Variants in GALNT17 observed in about 807,000 individuals in gnomAD.
The protein encoded by GALNT17 is polypeptide N-acetylgalactosaminyltransferase 17.
Under a neutral mutation model 63.7 loss-of-function variants are expected in GALNT17, and 29 were observed. That is an observed-to-expected ratio of 0.46 (90% CI 0.34 to 0.62). The LOEUF is 0.62. Among genes scored for constraint, GALNT17 ranks in the 20% least tolerant of loss-of-function variants. The pLI is 0.01. For missense variants in GALNT17, 603 were observed against 799.6 expected, an observed-to-expected ratio of 0.75 and a Z score of 2.97; for synonymous variants, 305 against 318.3, an observed-to-expected ratio of 0.96 and a Z score of 0.45.
intron 6 of GALNT17, among the ~76,000 whole-genome samples, chr7:71,583,968 A>C (rs1357545668): frequency 6.6e-6 from 1 of 151,768 alleles, no homozygotes; most frequent in Non-Finnish European, 1.5e-5. Flanking sequence ...ACTGAAAAAA[A>C]AAAAATACAA....
At chr7:71,455,395 C>T (rs1287948403) in intron 5 of GALNT17, among the ~76,000 whole-genome samples, 1 of 152,034 alleles carries the variant, frequency 6.6e-6, no homozygotes, top group Non-Finnish European at 1.5e-5. Context: ...TTGAAGGTTG[C>T]TCTGGGGTCC....
intron 1 of GALNT17, among the ~76,000 whole-genome samples, chr7:71,150,024 T>G (rs887494573): frequency 6.6e-6 from 1 of 152,180 alleles, no homozygotes; most frequent in African/African-American, 2.4e-5. Context: ...GTGTCATTGC[T>G]TAGGCACACG....
At chr7:71,321,924 C>T (rs1380820677) in intron 1 of GALNT17, among the ~76,000 whole-genome samples, 2 of 38,306 alleles carry the variant, frequency 5.2e-5, no homozygotes, top group African/African-American at 1.2e-4. Flanking sequence ...CCTTCCTTCC[C>T]CTCCCTCCCT....
intron 1 of GALNT17, among the ~76,000 whole-genome samples, chr7:71,295,074 C>G (rs1382704942): frequency 6.6e-6 from 1 of 152,150 alleles, no homozygotes; most frequent in Non-Finnish European, 1.5e-5. Flanking sequence ...TTCTTAACCT[C>G]CCATCCCCTC....
At chr7:71,227,796 G>A (rs1789709039) in intron 1 of GALNT17, among the ~76,000 whole-genome samples, 1 of 152,112 alleles carries the variant, frequency 6.6e-6, no homozygotes, top group Admixed American at 6.5e-5. Context: ...AAAACCCATT[G>A]CCTGGTGACA....
intron 1 of GALNT17, among the ~76,000 whole-genome samples, chr7:71,277,914 A>G (rs1015690415): frequency 2.0e-5 from 3 of 152,214 alleles, no homozygotes; most frequent in Admixed American, 6.5e-5. Context: ...CTTCAAATCC[A>G]TTATTTCTTT....
chr7:71,496,837 G>T (rs959897050), intron 5 of GALNT17, among the ~76,000 whole-genome samples: 1 of 152,136 alleles, frequency 6.6e-6, no homozygotes, highest in African/African-American at 2.4e-5. Context: ...ACTTTGGGCG[G>T]CCAAGGCAGG....
intron 4 of GALNT17, among the ~76,000 whole-genome samples, chr7:71,416,496 C>T (rs994238362): frequency 8.6e-5 from 13 of 151,990 alleles, no homozygotes; most frequent in African/African-American, 2.7e-4. Flanking sequence ...CCTGTAGTCT[C>T]GGCTACTTGG....
chr7:71,679,748 G>T (rs937018638), intron 9 of GALNT17, among the ~76,000 whole-genome samples: 2 of 152,032 alleles, frequency 1.3e-5, no homozygotes, highest in Non-Finnish European at 2.9e-5. Flanking sequence ...CAGCCTGCAC[G>T]CTGCAGTGGG....
At chr7:71,632,515 A>G (rs751559819) in intron 6 of GALNT17, among the ~76,000 whole-genome samples, 44 of 152,270 alleles carry the variant, frequency 2.9e-4, no homozygotes, top group East Asian at 2.7e-3. Flanking sequence ...GATATCTACG[A>G]CCAAGCTCAA....
chr7:71,433,966 G>A (rs1786914170), intron 5 of GALNT17, among the ~76,000 whole-genome samples: 1 of 152,002 alleles, frequency 6.6e-6, no homozygotes, highest in South Asian at 2.1e-4. Flanking sequence ...GAATGTGGAA[G>A]GACTAGATTG....
chr7:71,436,620 A>G (rs994554058), intron 5 of GALNT17, among the ~76,000 whole-genome samples: 8 of 151,828 alleles, frequency 5.3e-5, no homozygotes, highest in Non-Finnish European at 8.8e-5. Context: ...TCAGGAGGCT[A>G]AGGCAGGAGA....
intron 5 of GALNT17, among the ~76,000 whole-genome samples, chr7:71,471,261 G>C (rs1460405035): frequency 4.0e-5 from 6 of 151,786 alleles, no homozygotes; most frequent in African/African-American, 9.7e-5. Flanking sequence ...ACTTGTCGTA[G>C]AGAAAGGGTT....
intron 1 of GALNT17, among the ~76,000 whole-genome samples, chr7:71,150,592 G>A (rs1788112080): frequency 6.7e-6 from 1 of 150,230 alleles, no homozygotes; most frequent in African/African-American, 2.5e-5. Context: ...CTCACTGCAA[G>A]CTCCGCCTCC....
chr7:71,297,901 G>A lies in GALNT17; in HGVS notation c.239-37649G>A, dbSNP rs191806386. Among the ~76,000 whole-genome samples the A allele has an allele frequency of 6.4e-4, 98 of 152,330 alleles. 1 individual carries two copies. Among genetic ancestry groups the A allele is most frequent in the Admixed American group, 1.3e-3 (20 of 15,302 alleles). Reference sequence around the variant, plus strand: ...AACAGGCAAACATCATCTCTGGGGTGGGGAGAATTGCCTGGAAAGAGTCAG... The same window carrying A: ...AACAGGCAAACATCATCTCTGGGGTAGGGAGAATTGCCTGGAAAGAGTCAG... On this transcript the variant is annotated intron_variant, in intron 1 of 10. Transcript: ENST00000333538.
chr7:71,278,954 T>A, intron 1 of GALNT17, among the ~76,000 whole-genome samples: 1 of 150,796 alleles, frequency 6.6e-6, no homozygotes, highest in Non-Finnish European at 1.5e-5. Context: ...TGAGATGGAG[T>A]CTCGCTATGT....
intron 5 of GALNT17, among the ~76,000 whole-genome samples, chr7:71,537,361 A>T (rs1344052861): frequency 6.6e-6 from 1 of 152,112 alleles, no homozygotes; most frequent in Non-Finnish European, 1.5e-5. Flanking sequence ...CAAGCCTGTG[A>T]CTGTGAACTT....
chr7:71,574,854 T>C (rs1789509806), intron 6 of GALNT17, among the ~76,000 whole-genome samples: 1 of 152,118 alleles, frequency 6.6e-6, no homozygotes, highest in Admixed American at 6.5e-5. Flanking sequence ...TTTAGCCGAC[T>C]TCCTGGCAAA....
chr7:71,383,796 T>C (rs769166255), intron 2 of GALNT17, among the ~76,000 whole-genome samples: 7 of 152,152 alleles, frequency 4.6e-5, no homozygotes, highest in Non-Finnish European at 8.8e-5. Flanking sequence ...AATATGAAAA[T>C]ACAGAACCTG....
Sources: allele counts gnomAD v4.1 joint callset (sites outside exome capture counted in the v4.1 genomes callset), GRCh38; gene constraint gnomAD v4.1.1; transcripts MANE v1.5; gene names NCBI Gene and HGNC (gene_info 2026-07-23, HGNC 2026-07-21).